The following STK32B variants were observed in gnomAD, a reference collection of about 807,000 sequenced individuals.
STK32B encodes the protein serine/threonine-protein kinase 32B.
Under a neutral mutation model 52.6 loss-of-function variants are expected in STK32B, and 43 were observed. The observed-to-expected ratio is 0.82, with a 90% CI of 0.64 to 1.05. The LOEUF (loss-of-function observed/expected upper bound fraction) is 1.05, where lower values mean the gene tolerates loss of function less well. Among genes scored for constraint, STK32B ranks in the 50% least tolerant of loss-of-function variants. The probability of loss-of-function intolerance (pLI) is 0.00; values close to 1 mark genes in which losing one functional copy is unlikely to be tolerated. For synonymous variants in STK32B, 238 were observed against 204.3 expected, an observed-to-expected ratio of 1.17 and a Z score of -1.41; for missense variants, 621 against 534.6, an observed-to-expected ratio of 1.16 and a Z score of -1.59.
intron 4 of STK32B, among the ~76,000 whole-genome samples, chr4:5,357,863 T>A (rs1183921594): frequency 6.6e-6 from 1 of 152,056 alleles, no homozygotes; most frequent in East Asian, 1.9e-4. Flanking sequence ...AAAAATAAAT[T>A]GCCAATTGTC....
At chr4:5,193,818 A>T (rs938124648) in intron 3 of STK32B, among the ~76,000 whole-genome samples, 6 of 152,248 alleles carry the variant, frequency 3.9e-5, no homozygotes, top group Non-Finnish European at 7.3e-5. Flanking sequence ...CGTTTGCGGG[A>T]TGGTGGACAC....
At chr4:5,035,950 T>G in the STK32B span, among the ~76,000 whole-genome samples, 1 of 151,890 alleles carries the variant, frequency 6.6e-6, no homozygotes, top group Non-Finnish European at 1.5e-5. Context: ...CCCGGCTAAT[T>G]TTTGTATTTT....
At chr4:5,123,237 G>T (rs1297143578) in intron 1 of STK32B, among the ~76,000 whole-genome samples, 1 of 152,108 alleles carries the variant, frequency 6.6e-6, no homozygotes, top group Non-Finnish European at 1.5e-5. Context: ...GGTCTTGCTG[G>T]TCAGTTTCCC....
intron 3 of STK32B, among the ~76,000 whole-genome samples, chr4:5,216,746 G>A (rs1723205899): frequency 6.6e-6 from 1 of 152,168 alleles, no homozygotes; most frequent in South Asian, 2.1e-4. Flanking sequence ...AGCTTAAGAG[G>A]GTTGGGTTTG....
At chr4:5,158,401 A>G (rs1173388362) in intron 2 of STK32B, among the ~76,000 whole-genome samples, 1 of 152,140 alleles carries the variant, frequency 6.6e-6, no homozygotes, top group African/African-American at 2.4e-5. Flanking sequence ...TTATTTTTAA[A>G]GCACACCATC....
chr4:5,029,511 C>A, the STK32B span, among the ~76,000 whole-genome samples: 1 of 152,090 alleles, frequency 6.6e-6, no homozygotes, highest in African/African-American at 2.4e-5. Flanking sequence ...CTGATTGACA[C>A]CAGCAAGGAA....
At chr4:5,464,156 GCTCA>G (rs1717246143) in intron 9 of STK32B, among the ~76,000 whole-genome samples, 1 of 152,202 alleles carries the variant, frequency 6.6e-6, no homozygotes, top group Non-Finnish European at 1.5e-5. Flanking sequence ...TCTCACCAGA[GCTCA>G]CTCACTATTG....
chr4:5,271,917 G>A (rs1309496060), intron 3 of STK32B, among the ~76,000 whole-genome samples: 2 of 145,996 alleles, frequency 1.4e-5, no homozygotes, highest in Non-Finnish European at 2.9e-5. Context: ...GAGACAATGG[G>A]GTTTTCTAGA....
intron 3 of STK32B, among the ~76,000 whole-genome samples, chr4:5,249,445 TC>T (rs1560259267): frequency 5.9e-5 from 3 of 51,188 alleles, no homozygotes; most frequent in African/African-American, 2.5e-4. Context: ...CTACCTACCT[TC>T]CTTCCTTCCT....
chr4:5,189,316 C>T (rs1297889255), intron 3 of STK32B, among the ~76,000 whole-genome samples: 1 of 152,192 alleles, frequency 6.6e-6, no homozygotes, highest in Non-Finnish European at 1.5e-5. Flanking sequence ...TGATTCATCC[C>T]TCGTTCCCCT....
chr4:5,067,769 A>G (rs1244134203), intron 1 of STK32B, among the ~76,000 whole-genome samples: 2 of 152,142 alleles, frequency 1.3e-5, no homozygotes, highest in Non-Finnish European at 2.9e-5. Context: ...TGCAGGCTGT[A>G]CAGGAAGCAT....
intron 3 of STK32B, among the ~76,000 whole-genome samples, chr4:5,183,619 A>G (rs1251645583): frequency 2.0e-5 from 3 of 152,356 alleles, no homozygotes; most frequent in African/African-American, 7.2e-5. Context: ...AGCATTCAGA[A>G]CACACACAAC....
chr4:5,244,788 A>G (rs1282291173), intron 3 of STK32B, among the ~76,000 whole-genome samples: 2 of 152,046 alleles, frequency 1.3e-5, no homozygotes, highest in Admixed American at 6.6e-5. Context: ...CTTTGTTCTC[A>G]CTGGTTTCAA....
At chr4:5,473,811 A>G (rs954793356) in intron 11 of STK32B, among the ~76,000 whole-genome samples, 2 of 152,100 alleles carry the variant, frequency 1.3e-5, no homozygotes, top group Admixed American at 1.3e-4. Flanking sequence ...GCAGCAGGGT[A>G]GACAGTCAAA....
chr4:5,211,967 T>G (rs1722931735), intron 3 of STK32B, among the ~76,000 whole-genome samples: 1 of 152,214 alleles, frequency 6.6e-6, no homozygotes. Context: ...CGTTGAGAGT[T>G]AAGACTCACC....
chr4:5,127,354 TGAGTGCA>T (rs1450855426), intron 1 of STK32B, among the ~76,000 whole-genome samples: 1 of 152,168 alleles, frequency 6.6e-6, no homozygotes, highest in Non-Finnish European at 1.5e-5. Flanking sequence ...AGGCAGCTCT[TGAGTGCA>T]GAGGGCAGAG....
At chr4:5,223,317 C>G (rs149701712) in intron 3 of STK32B, among the ~76,000 whole-genome samples, 35 of 152,256 alleles carry the variant, frequency 2.3e-4, no homozygotes, top group African/African-American at 7.7e-4. Flanking sequence ...CAGAGAGCCC[C>G]TAATGAGGCA....
At chr4:5,084,294 ATC>A (rs1218641867) in intron 1 of STK32B, among the ~76,000 whole-genome samples, 1 of 152,200 alleles carries the variant, frequency 6.6e-6, no homozygotes, top group Admixed American at 6.5e-5. Flanking sequence ...GTCGACTGGC[ATC>A]TCTGTGTGTG....
At chr4:5,218,880 G>A (rs891991337) in intron 3 of STK32B, among the ~76,000 whole-genome samples, 5 of 152,130 alleles carry the variant, frequency 3.3e-5, no homozygotes, top group Non-Finnish European at 5.9e-5. Flanking sequence ...ACTGGGCACC[G>A]CCTGCTCCCC....
Sources: allele counts gnomAD v4.1 joint callset (sites outside exome capture counted in the v4.1 genomes callset), GRCh38; gene constraint gnomAD v4.1.1; transcripts MANE v1.5; gene names NCBI Gene and HGNC (gene_info 2026-07-23, HGNC 2026-07-21).